Variants in VEGFC observed in about 807,000 individuals in gnomAD.
VEGFC encodes the protein vascular endothelial growth factor C.
VEGFC carries 12 observed loss-of-function variants against 46.1 expected under a neutral mutation model. The observed-to-expected ratio is 0.26, with a 90% CI of 0.17 to 0.42. The LOEUF is 0.42. Among genes scored for constraint, VEGFC ranks in the 10% least tolerant of loss-of-function variants. The pLI is 1.00. For missense variants in VEGFC, 488 were observed against 529.4 expected (o/e 0.92, Z 0.77); for synonymous variants, 232 against 195.5 (o/e 1.19, Z -1.56).
chr4:176,698,197 C>T (rs557245110), intron 4 of VEGFC, among the ~76,000 whole-genome samples: 1 of 151,182 alleles, frequency 6.6e-6, no homozygotes, highest in Non-Finnish European at 1.5e-5. Flanking sequence ...AACATCACAG[C>T]AGGCTATTTT....
chr4:176,769,602 G>T (rs747098871), intron 1 of VEGFC, among the ~76,000 whole-genome samples: 4 of 152,156 alleles, frequency 2.6e-5, no homozygotes, highest in Admixed American at 6.5e-5. Context: ...AACCTCAAAT[G>T]AGAACCACGA....
intron 4 of VEGFC, among the ~76,000 whole-genome samples, chr4:176,691,087 C>A (rs1203719801): frequency 6.6e-6 from 1 of 152,132 alleles, no homozygotes; most frequent in Non-Finnish European, 1.5e-5. Context: ...AAGTGAGGAG[C>A]AAGTTCTTCG....
chr4:176,698,676 C>T lies in VEGFC; in HGVS notation c.705-10749G>A, dbSNP rs1734369126. Among the ~76,000 whole-genome samples, 4 of 152,012 alleles carry T rather than the reference C, an allele frequency of 2.6e-5. No individual in the cohort carries two copies. The South Asian group carries it at 8.3e-4, about 32-fold the overall frequency. ...CGTTAGGTCTCCAGAGCATATTCAC[C>T]TTGTAACTGCAAGTTGTCACACTCT... is the stretch of plus-strand genomic sequence containing the variant. On this transcript the variant is annotated intron_variant, in intron 4 of 6. Coordinates refer to ENST00000618562, the MANE Select transcript of VEGFC (RefSeq NM_005429.5).
chr4:176,748,015 T>A (rs1004638422), intron 1 of VEGFC, among the ~76,000 whole-genome samples: 3 of 151,860 alleles, frequency 2.0e-5, no homozygotes, highest in Non-Finnish European at 2.9e-5. Context: ...GAACAATTCC[T>A]TTGGGATTAG....
At chr4:176,784,779 A>G (rs79149753) in intron 1 of VEGFC, among the ~76,000 whole-genome samples, 3,373 of 99,946 alleles carry the variant, frequency 0.034, 378 homozygotes, top group Non-Finnish European at 0.052. Flanking sequence ...AAAAAAAAAA[A>G]GATAAAGTAA....
chr4:176,696,697 A>T (rs1734320067), intron 4 of VEGFC, among the ~76,000 whole-genome samples: 1 of 152,018 alleles, frequency 6.6e-6, no homozygotes, highest in African/African-American at 2.4e-5. Context: ...AGCCAAAAGA[A>T]CAAAGCTGGA....
intron 1 of VEGFC, among the ~76,000 whole-genome samples, chr4:176,770,751 A>G (rs1175312248): frequency 6.6e-6 from 1 of 152,166 alleles, no homozygotes; most frequent in Non-Finnish European, 1.5e-5. Flanking sequence ...CACAGAGTTC[A>G]ATACAAGCTA....
At chr4:176,692,978 C>T (rs1181970870) in intron 4 of VEGFC, among the ~76,000 whole-genome samples, 1 of 150,502 alleles carries the variant, frequency 6.6e-6, no homozygotes, top group South Asian at 2.1e-4. Context: ...CCCATCTGTA[C>T]ATCACCATCA....
chr4:176,725,602 T>C (rs1579107758), intron 3 of VEGFC, among the ~76,000 whole-genome samples: 1 of 152,332 alleles, frequency 6.6e-6, no homozygotes, highest in Non-Finnish European at 1.5e-5. Context: ...CCAAAGTACC[T>C]TGGTTTACTA....
At chr4:176,726,552 G>T (rs928558669) in intron 3 of VEGFC, among the ~76,000 whole-genome samples, 4 of 152,028 alleles carry the variant, frequency 2.6e-5, no homozygotes, top group African/African-American at 9.7e-5. Flanking sequence ...GCAATATAAA[G>T]AAACTCAATT....
chr4:176,736,585 A>C (rs1735058542), intron 1 of VEGFC, among the ~76,000 whole-genome samples: 1 of 151,832 alleles, frequency 6.6e-6, no homozygotes. Context: ...CATAAGTATT[A>C]AGATATTTTC....
intron 3 of VEGFC, among the ~76,000 whole-genome samples, chr4:176,716,355 T>A (rs187056779): frequency 6.6e-6 from 1 of 151,812 alleles, no homozygotes; most frequent in East Asian, 1.9e-4. Context: ...GGTGGGAGGA[T>A]CACTTGAGGT....
At chr4:176,702,666 C>G (rs73872155) in intron 4 of VEGFC, among the ~76,000 whole-genome samples, 1 of 152,048 alleles carries the variant, frequency 6.6e-6, no homozygotes, top group Admixed American at 6.6e-5. Flanking sequence ...TATTTTATTA[C>G]ATCTTTAGGG....
At chr4:176,707,999 C>T (rs1385074666) in intron 4 of VEGFC, among the ~76,000 whole-genome samples, 4 of 151,374 alleles carry the variant, frequency 2.6e-5, no homozygotes, top group Non-Finnish European at 5.9e-5. Flanking sequence ...TTAGTCATAC[C>T]ATTACATGTC....
intron 6 of VEGFC, among the ~76,000 whole-genome samples, chr4:176,685,175 A>AT (rs1430073203): frequency 8.5e-5 from 13 of 152,328 alleles, no homozygotes; most frequent in African/African-American, 2.6e-4. Flanking sequence ...TTGACATTTC[A>AT]TTTATTTGGC....
chr4:176,706,735 C>A (rs1660094837), intron 4 of VEGFC, among the ~76,000 whole-genome samples: 1 of 147,228 alleles, frequency 6.8e-6, no homozygotes, highest in African/African-American at 2.5e-5. Context: ...TTTCAAAAAT[C>A]AATTTTATTG....
Position 176,787,169 on chromosome 4 carries a change from T to A in VEGFC, c.147+4996A>T, listed in dbSNP as rs552129282. Among the ~76,000 whole-genome samples the A allele has an allele frequency of 1.4e-4, 21 of 152,128 alleles. 1 individual carries two copies. The South Asian group carries it at 4.4e-3, about 32-fold the overall frequency. ...TATAGCACCAAATAATTTAAGAAAA[T>A]TAGCTTTTGGGGCCGGGCGCAGTGG... On this transcript the variant is annotated intron_variant, in intron 1 of 6. Transcript: ENST00000618562.
intron 1 of VEGFC, among the ~76,000 whole-genome samples, chr4:176,758,306 T>A (rs1371581751): frequency 6.6e-6 from 1 of 152,134 alleles, no homozygotes; most frequent in Non-Finnish European, 1.5e-5. Context: ...TTTTTCTTAA[T>A]AAAGTTTATT....
At chr4:176,715,044 T>G (rs932851254) in intron 3 of VEGFC, among the ~76,000 whole-genome samples, 1 of 149,882 alleles carries the variant, frequency 6.7e-6, no homozygotes, top group African/African-American at 2.5e-5. Flanking sequence ...AGTTGAAGAC[T>G]TTTATAAGTG....
Sources: allele counts gnomAD v4.1 joint callset (sites outside exome capture counted in the v4.1 genomes callset), GRCh38; gene constraint gnomAD v4.1.1; transcripts MANE v1.5; gene names NCBI Gene and HGNC (gene_info 2026-07-23, HGNC 2026-07-21).